Variants in GSG1L observed in about 807,000 individuals in gnomAD.
GSG1L encodes the protein germ cell-specific gene 1-like protein.
In GSG1L, 24 loss-of-function variants were observed where a neutral mutation model predicts 42.1. The observed-to-expected ratio is 0.57, with a 90% CI of 0.41 to 0.80. The LOEUF is 0.80. Ranked by LOEUF, GSG1L falls within the 30% of genes least tolerant of loss-of-function variation. GSG1L has a pLI of 0.00. For synonymous variants in GSG1L, 215 were observed against 203.5 expected (o/e 1.06, Z -0.48); for missense variants, 445 against 472.2 (o/e 0.94, Z 0.53).
At chr16:27,826,065 T>C (rs1313953487) in intron 5 of GSG1L, among the ~76,000 whole-genome samples, 1 of 151,644 alleles carries the variant, frequency 6.6e-6, no homozygotes, top group African/African-American at 2.4e-5. Context: ...TGGGTTAGAG[T>C]GTCTAGGATA....
chr16:27,950,330 G>T lies in GSG1L; in HGVS notation c.397+12826C>A, dbSNP rs138209943. ...TGATGCTCTGTGGAAGAGTGAGCAGGCAAGACTGCCCAAATACCTAATTAC... is the reference window on the plus strand; with the variant it reads ...TGATGCTCTGTGGAAGAGTGAGCAGTCAAGACTGCCCAAATACCTAATTAC... On this transcript the variant is annotated intron_variant, in intron 2 of 6. Transcript: ENST00000447459. 2.6e-3 allele frequency among the ~76,000 whole-genome samples: 391 copies of T among 152,264 alleles called. 5 individuals are homozygous for T. The highest frequency in any genetic ancestry group is 9.3e-3 in the African/African-American group (385 of 41,538).
intron 3 of GSG1L, among the ~76,000 whole-genome samples, chr16:27,869,249 G>A (rs961817167): frequency 3.3e-5 from 5 of 151,584 alleles, no homozygotes; most frequent in Non-Finnish European, 7.3e-5. Flanking sequence ...ACAGAAGAAG[G>A]AGGGCCTTCA....
chr16:27,977,306 C>T (rs746781098), intron 1 of GSG1L, among the ~76,000 whole-genome samples: 3 of 152,196 alleles, frequency 2.0e-5, no homozygotes, highest in Admixed American at 6.5e-5. Context: ...ACAGGACAGG[C>T]GCGGTAGCTC....
chr16:27,833,771 A>C (rs1055828251), intron 4 of GSG1L, among the ~76,000 whole-genome samples: 1 of 152,030 alleles, frequency 6.6e-6, no homozygotes, highest in Non-Finnish European at 1.5e-5. Context: ...AATACAATTG[A>C]TTTTGTATTT....
chr16:27,976,516 T>C (rs1389509518), intron 1 of GSG1L, among the ~76,000 whole-genome samples: 3 of 152,140 alleles, frequency 2.0e-5, no homozygotes, highest in Non-Finnish European at 2.9e-5. Context: ...CCAGAATGTA[T>C]GGCCACAGTG....
intron 1 of GSG1L, among the ~76,000 whole-genome samples, chr16:28,038,712 G>T (rs985867240): frequency 2.7e-4 from 41 of 152,120 alleles, no homozygotes; most frequent in Non-Finnish European, 4.7e-4. Flanking sequence ...CTTCCAACCT[G>T]CCCGCCCGCT....
chr16:27,979,390 AC>A (rs1333755509), intron 1 of GSG1L, among the ~76,000 whole-genome samples: 1 of 151,368 alleles, frequency 6.6e-6, no homozygotes, highest in Non-Finnish European at 1.5e-5. Flanking sequence ...ACATAATGAA[AC>A]CCCATCTCTA....
rs2086090573 is a variant in GSG1L at position 28,040,139 on chromosome 16, G to A, written c.349+22937C>T. On this transcript the variant is annotated intron_variant, in intron 1 of 6. Transcript: ENST00000447459. The surrounding 1 kb of genome is among the most constrained non-coding windows in gnomAD (Gnocchi z 4.1). ...CTCCACACCCATCACCATGGCCCTA[G>A]CTGCCATCGTCTCCTTCATGGACCG... Among the ~76,000 whole-genome samples, 1 of 152,076 alleles carries A rather than the reference G, an allele frequency of 6.6e-6. No homozygotes were observed. Among genetic ancestry groups the A allele is most frequent in the African/African-American group, 2.4e-5 (1 of 41,382 alleles).
At position 27,942,365 on chromosome 16, in the gene GSG1L, G is replaced by C. The variant is rs536106984; in HGVS notation, c.397+20791C>G. Among the ~76,000 whole-genome samples the C allele has an allele frequency of 3.9e-5, 6 of 152,412 alleles. No homozygotes were observed. The South Asian group carries it at 1.0e-3, about 26-fold the overall frequency. On this transcript the variant is annotated intron_variant, in intron 2 of 6. Transcript: ENST00000447459. ...GAGTTTCACCATGTTGGCCAGGTTG[G>C]TCTCAAACTCCTGACCTCAGGTGAT...
intron 1 of GSG1L, among the ~76,000 whole-genome samples, chr16:28,001,589 C>G (rs2085578392): frequency 6.6e-6 from 1 of 152,194 alleles, no homozygotes. Flanking sequence ...CCAGCTTACC[C>G]AAAACAGGGC....
chr16:27,942,300 C>T (rs1316308353), intron 2 of GSG1L, among the ~76,000 whole-genome samples: 2 of 152,308 alleles, frequency 1.3e-5, no homozygotes, highest in African/African-American at 2.4e-5. Flanking sequence ...CAGGTGCTGG[C>T]CACCACATCC....
At chr16:28,011,360 C>T (rs2085715490) in intron 1 of GSG1L, among the ~76,000 whole-genome samples, 1 of 152,184 alleles carries the variant, frequency 6.6e-6, no homozygotes, top group Non-Finnish European at 1.5e-5. Flanking sequence ...GCTTTGGGGA[C>T]TACAGGGTCA....
chr16:27,859,936 C>T (rs1002426875), intron 3 of GSG1L, among the ~76,000 whole-genome samples: 3 of 152,118 alleles, frequency 2.0e-5, no homozygotes, highest in African/African-American at 7.2e-5. Flanking sequence ...CCCGCCTCTG[C>T]CTCCCAAAGT....
In GSG1L at chr16:27,810,804, C is replaced by T. The variant is rs577119573; in HGVS notation, c.831-3250G>A. On this transcript the variant is annotated intron_variant, in intron 5 of 6. Coordinates refer to ENST00000447459, the MANE Select transcript of GSG1L (RefSeq NM_001109763.2). Reference sequence around the variant, plus strand: ...CTGGGTTCAAGCAATTCTCCTGCCTCAGCCTCCCGAGGAGCTGGGATCACA... The same window carrying T: ...CTGGGTTCAAGCAATTCTCCTGCCTTAGCCTCCCGAGGAGCTGGGATCACA... Among the ~76,000 whole-genome samples the T allele has an allele frequency of 3.9e-5, 6 of 152,224 alleles. No individual in the cohort carries two copies. The South Asian group carries it at 1.2e-3, about 32-fold the overall frequency.
chr16:27,833,047 A>G (rs1445744251), intron 4 of GSG1L, among the ~76,000 whole-genome samples: 1 of 152,200 alleles, frequency 6.6e-6, no homozygotes, highest in Non-Finnish European at 1.5e-5. Context: ...CTAGATTCCA[A>G]AGATTTTCTC....
chr16:27,987,764 T>C (rs1334763156), intron 1 of GSG1L, among the ~76,000 whole-genome samples: 1 of 152,020 alleles, frequency 6.6e-6, no homozygotes, highest in Non-Finnish European at 1.5e-5. Context: ...TTGGCCAACA[T>C]GGTGAAACCC....
At chr16:27,946,860 C>G (rs1196312280) in intron 2 of GSG1L, among the ~76,000 whole-genome samples, 1 of 152,178 alleles carries the variant, frequency 6.6e-6, no homozygotes, top group African/African-American at 2.4e-5. Context: ...TGGGGGAAAT[C>G]CGACAGGATA....
intron 2 of GSG1L, among the ~76,000 whole-genome samples, chr16:27,925,924 T>C (rs952274280): frequency 7.9e-5 from 12 of 151,948 alleles, no homozygotes; most frequent in Non-Finnish European, 1.3e-4. Flanking sequence ...GCCCAGGAGA[T>C]TGGAACAAAA....
intron 1 of GSG1L, among the ~76,000 whole-genome samples, chr16:27,979,002 A>T (rs2085282898): frequency 6.6e-6 from 1 of 152,172 alleles, no homozygotes; most frequent in Admixed American, 6.5e-5. Context: ...CAGCACAAGG[A>T]GGTGTCTAGG....
Sources: allele counts gnomAD v4.1 joint callset (sites outside exome capture counted in the v4.1 genomes callset), GRCh38; gene constraint gnomAD v4.1.1; non-coding constraint Gnocchi (gnomAD v3.1); transcripts MANE v1.5; gene names NCBI Gene and HGNC (gene_info 2026-07-23, HGNC 2026-07-21).